Variants in BNC2 observed in about 807,000 individuals in gnomAD.
BNC2 encodes the protein basonuclin zinc finger protein 2, also known as zinc finger protein basonuclin-2.
A neutral mutation model predicts 76.3 loss-of-function variants in BNC2; 20 were observed. That is an observed-to-expected ratio of 0.26 (90% confidence interval 0.18 to 0.38). The LOEUF (loss-of-function observed/expected upper bound fraction) is 0.38, where lower values mean the gene tolerates loss of function less well. Ranked by LOEUF, BNC2 falls within the 10% of genes least tolerant of loss-of-function variation. BNC2 has a pLI of 1.00. For synonymous variants in BNC2, 582 were observed against 514.8 expected (o/e 1.13, Z -1.77); for missense variants, 1,382 against 1,399.8 (o/e 0.99, Z 0.20).
Position 16,413,473 on chromosome 9 carries a change from A to G in BNC2, c.*5516T>C, listed in dbSNP as rs1471186902. ...CATTTGGATTTTTCAACAAATGCCA[A>G]AAAGACAGTATGCCGAATAACATAG... On this transcript the variant is annotated 3_prime_UTR_variant, in exon 7 of 7. Coordinates refer to ENST00000380672, the MANE Select transcript of BNC2 (RefSeq NM_017637.6). The G allele has an allele frequency of 6.6e-6, 1 of 152,150 alleles. No homozygotes were observed. The highest frequency in any genetic ancestry group is 2.4e-5 in the African/African-American group (1 of 41,440). The allele number at this position is 152,150 out of a possible 1,614,324, so 9.4% of individuals were successfully genotyped here. A position where few individuals can be genotyped will look rare whatever the true frequency, so the allele number is the denominator to read the frequency against.
chr9:16,783,730 A>G (rs992641777), intron 1 of BNC2, among the ~76,000 whole-genome samples: 1 of 151,630 alleles, frequency 6.6e-6, no homozygotes, highest in African/African-American at 2.4e-5. Context: ...AACCACTATT[A>G]TATTCACCTT....
At chr9:16,443,766 C>T (rs1821176663) in intron 5 of BNC2, among the ~76,000 whole-genome samples, 1 of 152,068 alleles carries the variant, frequency 6.6e-6, no homozygotes, top group South Asian at 2.1e-4. Flanking sequence ...CGCTACTGTT[C>T]CAAGCATATG....
chr9:16,834,573 CCTTA>C (rs1046896934), intron 1 of BNC2, among the ~76,000 whole-genome samples: 62 of 152,348 alleles, frequency 4.1e-4, no homozygotes, highest in Non-Finnish European at 2.4e-4. Flanking sequence ...AATGCTACTT[CCTTA>C]GAGTACTCAG....
chr9:16,779,899 CG>C (rs879872767), intron 1 of BNC2, among the ~76,000 whole-genome samples: 2 of 152,048 alleles, frequency 1.3e-5, no homozygotes. Flanking sequence ...GTAATAAAAA[CG>C]GTTTAAAATT....
At chr9:16,580,208 G>T (rs1422042262) in intron 4 of BNC2, 1 of 398,312 alleles carries the variant, frequency 2.5e-6, no homozygotes, top group Non-Finnish European at 4.4e-6. Flanking sequence ...AAGAGTGGGT[G>T]CTGTCATCCC....
intron 3 of BNC2, among the ~76,000 whole-genome samples, chr9:16,642,612 G>A (rs543007247): frequency 1.1e-4 from 16 of 152,270 alleles, no homozygotes; most frequent in East Asian, 1.9e-4. Context: ...GTGGCCAAGC[G>A]TCCATTTGGC....
At chr9:16,798,083 A>G (rs1186275778) in intron 1 of BNC2, among the ~76,000 whole-genome samples, 1 of 152,144 alleles carries the variant, frequency 6.6e-6, no homozygotes, top group Non-Finnish European at 1.5e-5. Context: ...CCTTTTGTTG[A>G]TCTGGAAGTG....
chr9:16,666,281 G>A (rs76136675), intron 3 of BNC2, among the ~76,000 whole-genome samples: 2,601 of 152,164 alleles, frequency 0.017, 81 homozygotes, highest in African/African-American at 0.058. Context: ...CTCATCTTCA[G>A]TTCTCTGTTT....
At chr9:16,583,222 A>G (rs896538399) in intron 3 of BNC2, 137 bp from the exon 4 acceptor site, 2 of 721,306 alleles carry the variant, frequency 2.8e-6, no homozygotes, top group Non-Finnish European at 4.7e-6. Context: ...TTAAAAATAA[A>G]TTTAGATATC....
At chr9:16,593,577 T>C (rs937026489) in intron 3 of BNC2, among the ~76,000 whole-genome samples, 1 of 152,008 alleles carries the variant, frequency 6.6e-6, no homozygotes, top group African/African-American at 2.4e-5. Context: ...TGATAATACA[T>C]GCGATTTTGT....
At chr9:16,793,203 T>C (rs1217596302) in intron 1 of BNC2, among the ~76,000 whole-genome samples, 4 of 152,182 alleles carry the variant, frequency 2.6e-5, no homozygotes, top group Non-Finnish European at 5.9e-5. Context: ...CAATACAATG[T>C]TTTTTTAGAC....
intron 5 of BNC2, among the ~76,000 whole-genome samples, chr9:16,471,210 C>T (rs1821817091): frequency 1.3e-5 from 2 of 152,138 alleles, no homozygotes; most frequent in African/African-American, 4.8e-5. Context: ...TCTGTTTTGG[C>T]CAATTTCTCC....
chr9:16,421,886 C>T (rs1490185479), intron 6 of BNC2, among the ~76,000 whole-genome samples: 1 of 152,180 alleles, frequency 6.6e-6, no homozygotes, highest in African/African-American at 2.4e-5. Flanking sequence ...TTAACACCCT[C>T]CCCCTTTCTT....
intron 5 of BNC2, among the ~76,000 whole-genome samples, chr9:16,452,880 C>T (rs1220447128): frequency 6.6e-6 from 1 of 152,134 alleles, no homozygotes. Flanking sequence ...ATAAGGAAAA[C>T]TTCAACTCTA....
intron 5 of BNC2, among the ~76,000 whole-genome samples, chr9:16,488,151 G>A (rs937232102): frequency 2.6e-5 from 4 of 152,026 alleles, no homozygotes; most frequent in Non-Finnish European, 5.9e-5. Context: ...AGACAATTTC[G>A]GTGAGATTAG....
intron 5 of BNC2, among the ~76,000 whole-genome samples, chr9:16,522,561 G>A (rs570224127): frequency 9.3e-4 from 141 of 152,276 alleles, no homozygotes; most frequent in African/African-American, 3.3e-3. Flanking sequence ...TTACAGGGAT[G>A]GGGGAGGGTG....
chr9:16,811,155 G>A (rs1208470406), intron 1 of BNC2, among the ~76,000 whole-genome samples: 3 of 147,870 alleles, frequency 2.0e-5, no homozygotes, highest in East Asian at 2.0e-4. Flanking sequence ...CCCGGGAGGC[G>A]GAGCTTGCAG....
chr9:16,666,212 C>T (rs182833982), intron 3 of BNC2, among the ~76,000 whole-genome samples: 3 of 152,246 alleles, frequency 2.0e-5, no homozygotes, highest in Admixed American at 6.5e-5. Context: ...TACCTTCTAA[C>T]ATACTTTCCT....
chr9:16,541,069 T>G (rs553750632), intron 5 of BNC2, among the ~76,000 whole-genome samples: 2 of 152,214 alleles, frequency 1.3e-5, no homozygotes, highest in South Asian at 4.1e-4. Context: ...AGAAAAGAAA[T>G]AAACTTCCTT....
Sources: gnomAD v4.1 joint callset for allele counts (sites outside exome capture counted in the v4.1 genomes callset) on GRCh38, gnomAD v4.1.1 for gene constraint, MANE v1.5 for transcripts, NCBI Gene and HGNC (gene_info 2026-07-23, HGNC 2026-07-21) for gene names.